Variants in CADPS2 observed in about 807,000 individuals in gnomAD.
The protein encoded by CADPS2 is calcium-dependent secretion activator 2.
CADPS2 carries 93 observed loss-of-function variants against 172.5 expected under a neutral mutation model. That is an observed-to-expected ratio of 0.54 (90% CI 0.46 to 0.64). CADPS2 has a LOEUF of 0.64. CADPS2 is among the 30% of genes least tolerant of loss of function. The pLI, the probability that CADPS2 is intolerant of heterozygous loss-of-function variation, is 0.00. For synonymous variants in CADPS2, 546 were observed against 555.2 expected (o/e 0.98, Z 0.23); for missense variants, 1,420 against 1,565.9 (o/e 0.91, Z 1.57).
chr7:122,379,289 A>T, intron 25 of CADPS2, 79 bp downstream of exon 25: 2 of 881,788 alleles, frequency 2.3e-6, no homozygotes, highest in Non-Finnish European at 3.4e-6. Flanking sequence ...TTTCTCAATT[A>T]GATATTTAAA....
At chr7:122,457,986 C>T (rs1256663353) in intron 14 of CADPS2, among the ~76,000 whole-genome samples, 1 of 152,112 alleles carries the variant, frequency 6.6e-6, no homozygotes, top group Non-Finnish European at 1.5e-5. Flanking sequence ...GTAAGTTTGT[C>T]CTGGAAATCT....
intron 1 of CADPS2, among the ~76,000 whole-genome samples, chr7:122,738,853 GA>G (rs11480750): frequency 0.063 from 8,246 of 131,546 alleles, 249 homozygotes; most frequent in South Asian, 0.08. Flanking sequence ...CCCAGGGGGG[GA>G]AAAAAAAAAA....
At chr7:122,601,087 T>C (rs553655923) in intron 6 of CADPS2, among the ~76,000 whole-genome samples, 35 of 152,200 alleles carry the variant, frequency 2.3e-4, no homozygotes, top group South Asian at 1.2e-3. Context: ...TGTATCACTT[T>C]TTTTTCCTAG....
At chr7:122,572,682 G>C (rs1368006740) in intron 7 of CADPS2, among the ~76,000 whole-genome samples, 1 of 152,110 alleles carries the variant, frequency 6.6e-6, no homozygotes, top group Admixed American at 6.6e-5. Context: ...CTGCTATTTA[G>C]ATTTTTATAT....
rs770628638 is a variant in CADPS2, at chr7:122,572,307, C to T, written c.1335+8872G>A. On this transcript the variant is annotated intron_variant, in intron 7 of 29. Transcript: ENST00000449022. ...TTTCTTAAAATCACAGAAAAGTTAT[C>T]CTTCCTCCTTAAATCCTTTCAGATA... 4.6e-5 allele frequency among the ~76,000 whole-genome samples: 7 copies of T among 152,050 alleles called. No individual in the cohort carries two copies. In the South Asian group the frequency reaches 6.2e-4, roughly 14 times the overall value.
chr7:122,767,335 T>C (rs2093584821), intron 1 of CADPS2, among the ~76,000 whole-genome samples: 1 of 152,118 alleles, frequency 6.6e-6, no homozygotes, highest in Non-Finnish European at 1.5e-5. Context: ...TTTCAGAAGT[T>C]AAAGAAACTG....
intron 1 of CADPS2, among the ~76,000 whole-genome samples, chr7:122,824,600 T>G (rs1804354463): frequency 6.6e-6 from 1 of 152,246 alleles, no homozygotes; most frequent in African/African-American, 2.4e-5. Flanking sequence ...TTCCTAATTT[T>G]TTGAAGTTCT....
chr7:122,868,386 C>A (rs1818834282), intron 1 of CADPS2, among the ~76,000 whole-genome samples: 1 of 152,086 alleles, frequency 6.6e-6, no homozygotes, highest in African/African-American at 2.4e-5. Context: ...TCCAGCTCTC[C>A]ACTTCTCAAA....
intron 1 of CADPS2, among the ~76,000 whole-genome samples, chr7:122,847,926 T>C (rs1381639897): frequency 6.6e-6 from 1 of 152,182 alleles, no homozygotes; most frequent in Non-Finnish European, 1.5e-5. Flanking sequence ...GCAAAGCCAG[T>C]AAAACATCAT....
At chr7:122,881,917 T>A (rs1438852639) in intron 1 of CADPS2, among the ~76,000 whole-genome samples, 1 of 152,158 alleles carries the variant, frequency 6.6e-6, no homozygotes, top group Non-Finnish European at 1.5e-5. Flanking sequence ...TATATTATCT[T>A]TACTCCATCC....
chr7:122,480,044 G>C (rs1466195008), intron 12 of CADPS2: 1 of 466,992 alleles, frequency 2.1e-6, no homozygotes, highest in South Asian at 1.6e-5. Context: ...TGGTTGGAGA[G>C]AACAAAGTAC....
At chr7:122,527,653 T>TGTGTGA (rs1435994129) in intron 8 of CADPS2, among the ~76,000 whole-genome samples, 1 of 138,114 alleles carries the variant, frequency 7.2e-6, no homozygotes, top group Non-Finnish European at 1.5e-5. Context: ...TGTGTGTGTG[T>TGTGTGA]TTCCTGCAAG....
chr7:122,327,289 C>T (rs533079446), intron 28 of CADPS2, among the ~76,000 whole-genome samples: 156 of 152,076 alleles, frequency 1.0e-3, no homozygotes, highest in Non-Finnish European at 2.1e-3. Flanking sequence ...TACAGGCACT[C>T]ACTCACAAGT....
intron 1 of CADPS2, among the ~76,000 whole-genome samples, chr7:122,840,170 A>T (rs1334671661): frequency 2.0e-5 from 3 of 152,192 alleles, no homozygotes; most frequent in African/African-American, 4.8e-5. Context: ...TGAGCAAACT[A>T]TCACAAGGAC....
chr7:122,635,534 G>GT, intron 3 of CADPS2, among the ~76,000 whole-genome samples: 1 of 151,542 alleles, frequency 6.6e-6, no homozygotes, highest in Non-Finnish European at 1.5e-5. Context: ...GTGGTGTTTG[G>GT]TTTTTTGTTC....
At chr7:122,789,164 T>A (rs559104637) in intron 1 of CADPS2, among the ~76,000 whole-genome samples, 2 of 152,106 alleles carry the variant, frequency 1.3e-5, no homozygotes, top group Admixed American at 1.3e-4. Context: ...GTGAAGGGAA[T>A]GTCAGCAGAG....
chr7:122,629,370 T>C, intron 3 of CADPS2, 42 bp from the exon 4 acceptor site: 1 of 1,507,090 alleles, frequency 6.6e-7, no homozygotes, highest in East Asian at 2.3e-5. Flanking sequence ...AATTACTTAA[T>C]CTATATACAG....
At position 122,447,031 on chromosome 7, in the gene CADPS2, CTTTTTTTTTT is replaced by C. The variant is rs71530096; in HGVS notation, c.2288+4333_2288+4342del. On this transcript the variant is annotated intron_variant, in intron 15 of 29. Transcript: ENST00000449022. Reference sequence around the variant, plus strand: ...CCATCTTGGACATAAGTAGCTCCCTCTTTTTTTTTTTTTTTTTTTTTTTTTTGACCACATT... The same window carrying C: ...CCATCTTGGACATAAGTAGCTCCCTCTTTTTTTTTTTTTTTTGACCACATT... Among the ~76,000 whole-genome samples the C allele has an allele frequency of 4.9e-3, 387 of 78,406 alleles. 1 individual carries two copies. The highest frequency in any genetic ancestry group is 0.017 in the African/African-American group (351 of 21,242). 51.4% of individuals were successfully genotyped at this position (78,406 alleles called of 152,430 possible).
At chr7:122,351,372 C>CAAAAAAAAAAACAAAAAAAAAAAAAAAA (rs2038585073) in intron 27 of CADPS2, among the ~76,000 whole-genome samples, 1 of 28,918 alleles carries the variant, frequency 3.5e-5, no homozygotes, top group African/African-American at 1.5e-4. Flanking sequence ...GACTCCGTCT[C>CAAAAAAAAAAACAAAAAAAAAAAAAAAA]AAAAAAAAAA....
Sources: gnomAD v4.1 joint callset for allele counts (sites outside exome capture counted in the v4.1 genomes callset) on GRCh38, gnomAD v4.1.1 for gene constraint, MANE v1.5 for transcripts, NCBI Gene and HGNC (gene_info 2026-07-23, HGNC 2026-07-21) for gene names.